ZNF519: variants seen among roughly 807,000 people sequenced by gnomAD.
ZNF519 encodes the protein zinc finger protein 519.
In ZNF519, 7 loss-of-function variants were observed where a neutral mutation model predicts 7.4. That is an observed-to-expected ratio of 0.94 (90% confidence interval 0.54 to 1.77). The LOEUF is 1.77. Ranked by LOEUF, ZNF519 falls within the 40% of genes most tolerant of loss-of-function variation. The pLI is 0.00. For missense variants in ZNF519, 586 were observed against 623.1 expected, an observed-to-expected ratio of 0.94 and a Z score of 0.63; for synonymous variants, 179 against 203.3, an observed-to-expected ratio of 0.88 and a Z score of 1.02.
downstream of ZNF519, among the ~76,000 whole-genome samples, chr18:14,098,452 G>A (rs778279522): frequency 2.0e-5 from 3 of 151,812 alleles, no homozygotes; most frequent in African/African-American, 2.4e-5. Flanking sequence ...GAGCCACCAC[G>A]CCTGGCCAAC....
At chr18:14,126,244 T>C (rs1237156674) in intron 1 of ZNF519, among the ~76,000 whole-genome samples, 2 of 152,190 alleles carry the variant, frequency 1.3e-5, no homozygotes, top group African/African-American at 4.8e-5. Context: ...TTTTATCTTT[T>C]CTAAGCCTGA....
At position 14,112,921 on chromosome 18, in the gene ZNF519, T is replaced by C. The variant is rs577156785; in HGVS notation, c.131-6512A>G. Reference sequence around the variant, plus strand: ...CACAGAAATAGGAAAAACAATCCTATAAAGTGGACAGAACCAAAAAAGACT... The same window carrying C: ...CACAGAAATAGGAAAAACAATCCTACAAAGTGGACAGAACCAAAAAAGACT... On this transcript the variant is annotated intron_variant, in intron 2 of 2. Coordinates refer to ENST00000590202, the MANE Select transcript of ZNF519 (RefSeq NM_145287.4). Among the ~76,000 whole-genome samples, 3 of 152,272 alleles carry C rather than the reference T, an allele frequency of 2.0e-5. 1 individual carries two copies. In the South Asian group the frequency reaches 6.2e-4, roughly 32 times the overall value.
intron 2 of ZNF519, among the ~76,000 whole-genome samples, chr18:14,115,732 A>T (rs1179518257): frequency 2.6e-5 from 4 of 152,256 alleles, no homozygotes; most frequent in Non-Finnish European, 5.9e-5. Flanking sequence ...GGTTTTTAAA[A>T]GCAGAAAATG....
chr18:14,094,539 A>T (rs909341534), intron 2 of ZNF519, among the ~76,000 whole-genome samples: 28 of 151,124 alleles, frequency 1.9e-4, no homozygotes, highest in African/African-American at 6.6e-4. Flanking sequence ...AGATGATCAT[A>T]AAGTTTGTGT....
rs2046153109 is a variant in ZNF519 at position 14,100,088 on chromosome 18, C to A, written c.*4829G>T. 6.6e-6 allele frequency: 1 copy of A among 152,012 alleles called. No homozygotes were observed. The highest frequency in any genetic ancestry group is 1.5e-5 in the Non-Finnish European group (1 of 68,002). 9.4% of individuals were successfully genotyped at this position (152,012 alleles called of 1,614,324 possible). On this transcript the variant is annotated 3_prime_UTR_variant, in exon 3 of 3. Coordinates refer to ENST00000590202, the MANE Select transcript of ZNF519 (RefSeq NM_145287.4). ...TTCATCAGAGATAATAGGCAGATGT[C>A]ATATGAGAACATTAAATAAAGTTCA...
downstream of ZNF519, among the ~76,000 whole-genome samples, chr18:14,097,402 T>C (rs2143108785): frequency 6.6e-6 from 1 of 152,194 alleles, no homozygotes; most frequent in South Asian, 2.1e-4. Context: ...AAATGGAGTG[T>C]AGTATGTGTA....
Position 14,080,042 on chromosome 18 carries a change from T to A in ZNF519, c.*178-1744A>T, listed in dbSNP as rs1598506342. The A allele has an allele frequency of 2.7e-5, 4 of 150,688 alleles. 1 individual carries two copies. Among genetic ancestry groups the A allele is most frequent in the Admixed American group, 6.6e-5 (1 of 15,106 alleles). 9.3% of individuals were successfully genotyped at this position (150,688 alleles called of 1,614,324 possible). ...TAAAACTCAAAAATAAGAAAATAAC[T>A]AAAAAAAATAATAAATGAGCCAAAG... On this transcript the variant is annotated intron_variant and NMD_transcript_variant, in intron 3 of 4. Transcript: ENST00000587419.
chr18:14,105,155 C>T lies in ZNF519; in HGVS notation c.1385G>A (p.Cys462Tyr), dbSNP rs761416206. 1.9e-6 allele frequency: 3 copies of T among 1,613,140 alleles called. No homozygotes were observed. The African/African-American group carries it at 4.0e-5, about 22-fold the overall frequency. Reference sequence around the variant, plus strand: ...GATAAAAGCTTTGCCACATTCTTCACATTTGAAAGACTTCTCTCCAGTATG... The same window carrying T: ...GATAAAAGCTTTGCCACATTCTTCATATTTGAAAGACTTCTCTCCAGTATG... ...RIHTGEKSFK[C>Y]EECGKAFIWG... Residue 462 changes from cysteine to tyrosine, a missense_variant, in exon 3 of 3, where the codon TGT becomes TAT. Transcript: ENST00000590202.
intron 2 of ZNF519, among the ~76,000 whole-genome samples, chr18:14,119,626 T>C (rs993452309): frequency 1.3e-5 from 2 of 152,146 alleles, no homozygotes; most frequent in Admixed American, 1.3e-4. Context: ...ATACAAATAC[T>C]TCTGGGGTTT....
chr18:14,079,900 AC>A (rs2046063458), intron 3 of ZNF519, among the ~76,000 whole-genome samples: 2 of 152,344 alleles, frequency 1.3e-5, no homozygotes, highest in South Asian at 4.1e-4. Context: ...ATAACTGATA[AC>A]CATATAATTT....
intron 2 of ZNF519, among the ~76,000 whole-genome samples, chr18:14,119,475 G>T (rs927626071): frequency 6.6e-6 from 1 of 152,164 alleles, no homozygotes; most frequent in African/African-American, 2.4e-5. Flanking sequence ...AAAGAACAAG[G>T]CTCTCCCGTT....
At chr18:14,106,537 G>T in intron 2 of ZNF519, 128 bp from the exon 3 acceptor site, 1 of 714,244 alleles carries the variant, frequency 1.4e-6, no homozygotes, top group Non-Finnish European at 2.1e-6. Context: ...ACCAAGAAAG[G>T]ACAGAGCAAG....
intron 2 of ZNF519, among the ~76,000 whole-genome samples, chr18:14,108,507 C>G (rs1357113108): frequency 6.6e-6 from 1 of 151,588 alleles, no homozygotes; most frequent in African/African-American, 2.4e-5. Flanking sequence ...GATAGCAAGA[C>G]AAGAAAACAA....
chr18:14,105,685 A>C lies in ZNF519; in HGVS notation c.855T>G (p.Ile285Met). 6.2e-7 allele frequency: 1 copy of C among 1,613,592 alleles called. No individual in the cohort carries two copies. ...ATTTGTAAGGTTTCTCTCCAGTATG[A>C]ATTTTCTGATGTCCAAGATGTAAGC... The part of the protein sequence containing the change: ...TRGLHLGHQK[I>M]HTGEKPYKCK... The change falls in exon 3 of 3, where the codon ATT becomes ATG. Residue 285 changes from isoleucine (I) to methionine (M), a missense_variant. By Grantham distance (10) the Ile-to-Met change is conservative. Coordinates refer to ENST00000590202, the MANE Select transcript of ZNF519 (RefSeq NM_145287.4).
intron 2 of ZNF519, among the ~76,000 whole-genome samples, chr18:14,118,897 A>G (rs2046257949): frequency 1.3e-5 from 2 of 152,160 alleles, no homozygotes; most frequent in African/African-American, 4.8e-5. Context: ...ATAGGCACCC[A>G]GTTAGAGACC....
chr18:14,098,575 G>A (rs981575572), downstream of ZNF519, among the ~76,000 whole-genome samples: 6 of 152,108 alleles, frequency 3.9e-5, no homozygotes, highest in Non-Finnish European at 7.4e-5. Flanking sequence ...ATTCAGGGAG[G>A]CTCCGACTTG....
intron 1 of ZNF519, among the ~76,000 whole-genome samples, chr18:14,125,914 G>C: frequency 6.6e-6 from 1 of 152,140 alleles, no homozygotes; most frequent in Non-Finnish European, 1.5e-5. Context: ...TTGCACTCCT[G>C]ACCTCAAGTG....
chr18:14,111,895 A>T (rs1414010150), intron 2 of ZNF519, among the ~76,000 whole-genome samples: 2 of 152,214 alleles, frequency 1.3e-5, no homozygotes, highest in Non-Finnish European at 1.5e-5. Flanking sequence ...ACAGAGGAGG[A>T]GGAAACACTT....
intron 2 of ZNF519, among the ~76,000 whole-genome samples, chr18:14,123,512 A>G (rs1305905807): frequency 3.3e-5 from 5 of 152,166 alleles, no homozygotes; most frequent in Admixed American, 2.0e-4. Flanking sequence ...TGAGCTCAGG[A>G]GTTCAAGATC....
Sources: gnomAD v4.1 joint callset for allele counts (sites outside exome capture counted in the v4.1 genomes callset) on GRCh38, gnomAD v4.1.1 for gene constraint, MANE v1.5 for transcripts, NCBI Gene and HGNC (gene_info 2026-07-23, HGNC 2026-07-21) for gene names.